Variants in STRN4 observed in about 807,000 individuals in gnomAD.
STRN4 encodes the protein striatin-4.
Under a neutral mutation model 77.9 loss-of-function variants are expected in STRN4, and 27 were observed. The observed-to-expected ratio is 0.35, with a 90% CI of 0.26 to 0.48. The LOEUF (loss-of-function observed/expected upper bound fraction) is 0.48, where lower values mean the gene tolerates loss of function less well. Among genes scored for constraint, STRN4 ranks in the 20% least tolerant of loss-of-function variants. The pLI, the probability that STRN4 is intolerant of heterozygous loss-of-function variation, is 0.99. For synonymous variants in STRN4, 466 were observed against 443.1 expected (o/e 1.05, Z -0.65); for missense variants, 798 against 1,049.7 (o/e 0.76, Z 3.31).
intron 4 of STRN4, among the ~76,000 whole-genome samples, chr19:46,735,879 G>A (rs375976690): frequency 1.3e-5 from 2 of 151,694 alleles, no homozygotes; most frequent in African/African-American, 2.4e-5. Context: ...CAGGAGAATC[G>A]CTTGAACCCG....
At chr19:46,740,284 G>C (rs1362294473) in intron 1 of STRN4, 6 of 151,268 alleles carry the variant, frequency 4.0e-5, no homozygotes, top group Non-Finnish European at 2.9e-5. Flanking sequence ...GCCAGACTTC[G>C]TCTCAAAAAA....
intron 12 of STRN4, among the ~76,000 whole-genome samples, chr19:46,724,234 T>TGA (rs1169369762): frequency 8.8e-6 from 1 of 113,144 alleles, no homozygotes. Flanking sequence ...GGTGACAGAG[T>TGA]GAGACTCTTT....
At chr19:46,745,720 C>T (rs1230359982) in intron 1 of STRN4, 1 of 154,758 alleles carries the variant, frequency 6.5e-6, no homozygotes, top group East Asian at 1.9e-4. Context: ...CAGGAGACCA[C>T]TCAGGTCTCC....
At chr19:46,745,401 A>G (rs1324794307) in intron 1 of STRN4, among the ~76,000 whole-genome samples, 2 of 151,890 alleles carry the variant, frequency 1.3e-5, no homozygotes, top group Non-Finnish European at 2.9e-5. Context: ...GGGATCCCCA[A>G]AGTTTCTCCT....
At chr19:46,726,875 G>T (rs2054129390) in intron 9 of STRN4, among the ~76,000 whole-genome samples, 1 of 152,116 alleles carries the variant, frequency 6.6e-6, no homozygotes, top group African/African-American at 2.4e-5. Flanking sequence ...AAGATGAAAT[G>T]ACATCTTGGG....
chr19:46,738,718 G>A lies in STRN4; in HGVS notation c.386+67C>T. ...CCCTTAGCTGGAAGGAGGCGTGGCT[G>A]GTGGCCTCCTGACACTGTGCTTGAG... is the stretch of plus-strand genomic sequence containing the variant. On this transcript the variant is annotated intron_variant, in intron 2 of 17. Transcript: ENST00000263280. This position sits in a 1 kb window ranked among gnomAD's most constrained non-coding sequence, Gnocchi z 4.5. 1 of 1,464,220 alleles carries A rather than the reference G, an allele frequency of 6.8e-7. No individual in the cohort carries two copies. Among genetic ancestry groups the A allele is most frequent in the East Asian group, 2.3e-5 (1 of 44,130 alleles). The allele number at this position is 1,464,220 out of a possible 1,614,324, so 90.7% of individuals were successfully genotyped here.
In STRN4 at chr19:46,733,456, A is replaced by AC. The variant is rs1254321717; in HGVS notation, c.540-221dup. On this transcript the variant is annotated intron_variant, in intron 4 of 17. Transcript: ENST00000263280. The surrounding 1 kb of genome is among the most constrained non-coding windows in gnomAD (Gnocchi z 4.3). ...TGCTATGTGTGAGGGTGCTCCCTGCACTGCTGTATGGGGAAGCCGAAGCAC... is the reference window on the plus strand; with the variant it reads ...TGCTATGTGTGAGGGTGCTCCCTGCACCTGCTGTATGGGGAAGCCGAAGCAC... The AC allele has an allele frequency of 1.8e-6, 1 of 559,726 alleles. No individual in the cohort carries two copies. Among genetic ancestry groups the AC allele is most frequent in the Admixed American group, 3.2e-5 (1 of 31,414 alleles). The allele number at this position is 559,726 out of a possible 1,614,324, so 34.7% of individuals were successfully genotyped here.
At position 46,733,336 on chromosome 19, in the gene STRN4, A is replaced by C; in HGVS notation, c.540-100T>G. 8.6e-7 allele frequency: 1 copy of C among 1,159,334 alleles called. No individual in the cohort carries two copies. Among genetic ancestry groups the C allele is most frequent in the Non-Finnish European group, 1.2e-6 (1 of 819,758 alleles). 71.8% of individuals were successfully genotyped at this position (1,159,334 alleles called of 1,614,324 possible). A position where few individuals can be genotyped will look rare whatever the true frequency, so the allele number is the denominator to read the frequency against. The stretch of plus-strand genomic sequence containing the variant: ...GAGACAACCTCTTAAGGGGCCACTT[A>C]AGAGCATACACCAAAATCTGACATA... On this transcript the variant is annotated intron_variant, in intron 4 of 17. Coordinates refer to ENST00000263280, the MANE Select transcript of STRN4 (RefSeq NM_013403.3). This position sits in a 1 kb window ranked among gnomAD's most constrained non-coding sequence, Gnocchi z 4.3.
In STRN4 at chr19:46,723,325, G is replaced by A. The variant is rs2054027433; in HGVS notation, c.1595-41C>T. 3 of 1,512,566 alleles carry A rather than the reference G, an allele frequency of 2.0e-6. No individual in the cohort carries two copies. The highest frequency in any genetic ancestry group is 2.7e-6 in the Non-Finnish European group (3 of 1,130,294). The allele number at this position is 1,512,566 out of a possible 1,614,324, so 93.7% of individuals were successfully genotyped here. On this transcript the variant is annotated intron_variant, in intron 12 of 17. Coordinates refer to ENST00000263280, the MANE Select transcript of STRN4 (RefSeq NM_013403.3). The surrounding 1 kb of genome is among the most constrained non-coding windows in gnomAD (Gnocchi z 5.5). ...GGAGGAAATGGGCTGTGTCAGGGCTGCCAGCTCCTCCCTGGACAGCCCAGA... is the reference window on the plus strand; with the variant it reads ...GGAGGAAATGGGCTGTGTCAGGGCTACCAGCTCCTCCCTGGACAGCCCAGA...
chr19:46,721,579 T>C (rs991974381), intron 16 of STRN4: 1 of 223,210 alleles, frequency 4.5e-6, no homozygotes, highest in African/African-American at 2.3e-5. Flanking sequence ...CTCCATCCCT[T>C]CTAAGCACAG....
intron 1 of STRN4, among the ~76,000 whole-genome samples, chr19:46,740,575 C>T (rs974289342): frequency 6.6e-6 from 1 of 151,964 alleles, no homozygotes; most frequent in Non-Finnish European, 1.5e-5. Context: ...TGACTTTCCT[C>T]CTCACTCTCC....
chr19:46,719,769 C>CCA lies in STRN4; in HGVS notation c.*634_*635dup, dbSNP rs1385552234. 6.6e-6 allele frequency: 1 copy of CCA among 152,330 alleles called. No homozygotes were observed. Among genetic ancestry groups the CCA allele is most frequent in the Non-Finnish European group, 1.5e-5 (1 of 68,034 alleles). 9.4% of individuals were successfully genotyped at this position (152,330 alleles called of 1,614,324 possible). ...CAGGGAGTTCAGGGGGACCCGAGGC[C>CCA]CACTCCACCCTCCATGCCCCAGGGA... On this transcript the variant is annotated 3_prime_UTR_variant, in exon 18 of 18. Coordinates refer to ENST00000263280, the MANE Select transcript of STRN4 (RefSeq NM_013403.3).
chr19:46,746,398 G>A lies in STRN4; in HGVS notation c.33C>T (p.Ala11=), dbSNP rs889440482. MMEERAAAAV[A]AAASSCRPLG... ...GCGGACGGCAGGAGGAGGCGGCGGC[G>A]GCGACCGCGGCGGCCGCTCGCTCCT... is the stretch of plus-strand genomic sequence containing the variant. The change falls in exon 1 of 18, where the codon GCC becomes GCT. Residue 11 remains alanine, a synonymous_variant. Coordinates refer to ENST00000263280, the MANE Select transcript of STRN4 (RefSeq NM_013403.3). 2 of 1,062,076 alleles carry A rather than the reference G, an allele frequency of 1.9e-6. No individual in the cohort carries two copies. Among genetic ancestry groups the A allele is most frequent in the African/African-American group, 1.7e-5 (1 of 58,458 alleles). The allele number at this position is 1,062,076 out of a possible 1,614,324, so 65.8% of individuals were successfully genotyped here.
chr19:46,727,339 C>T, intron 9 of STRN4, 113 bp downstream of exon 9: 1 of 876,792 alleles, frequency 1.1e-6, no homozygotes. Context: ...CATCTGCACC[C>T]CTCTGTGAAA....
intron 4 of STRN4, among the ~76,000 whole-genome samples, chr19:46,735,748 T>C (rs1403516025): frequency 3.7e-4 from 57 of 152,108 alleles, no homozygotes; most frequent in Admixed American, 3.6e-3. Flanking sequence ...GCGGATCACC[T>C]GAGGTCAGGA....
rs199650698 is a variant in STRN4, at chr19:46,738,824, C to T, written c.347G>A (p.Arg116Gln). 4.3e-5 allele frequency: 69 copies of T among 1,614,080 alleles called. No individual in the cohort carries two copies. The highest frequency in any genetic ancestry group is 5.3e-5 in the Non-Finnish European group (63 of 1,180,044). ...GQENLKTDLV[R>Q]RIKMLEYALK... ...CGCATACTCTAGCATCTTGATCCGC[C>T]GCACCAGGTCCGTCTTTAGATTCTC... Residue 116 changes from arginine (R) to glutamine (Q), a missense_variant, in exon 2 of 18, where the codon CGG becomes CAG. This residue lies in a region of STRN4 where 511 missense variants were observed against 575.9 expected (regional missense o/e 0.89). Coordinates refer to ENST00000263280, the MANE Select transcript of STRN4 (RefSeq NM_013403.3). This position sits in a 1 kb window ranked among gnomAD's most constrained non-coding sequence, Gnocchi z 4.5.
chr19:46,734,487 A>G (rs1264225373), intron 4 of STRN4, among the ~76,000 whole-genome samples: 1 of 152,236 alleles, frequency 6.6e-6, no homozygotes, highest in East Asian at 1.9e-4. Flanking sequence ...TGTCTATAAT[A>G]CAAAAAAATT....
At position 46,727,583 on chromosome 19, in the gene STRN4, G is replaced by A. The variant is rs200592582; in HGVS notation, c.1154-37C>T. On this transcript the variant is annotated intron_variant, in intron 8 of 17. Coordinates refer to ENST00000263280, the MANE Select transcript of STRN4 (RefSeq NM_013403.3). ...CCAAAGGAACCTGGTAGGGGGAGGGGAGGGAGGGGCAGAGAGGGCCAGGGA... is the reference window on the plus strand; with the variant it reads ...CCAAAGGAACCTGGTAGGGGGAGGGAAGGGAGGGGCAGAGAGGGCCAGGGA... 8.8e-5 allele frequency: 140 copies of A among 1,586,134 alleles called. No homozygotes were observed. The Middle Eastern group carries it at 2.0e-3, about 23-fold the overall frequency.
intron 4 of STRN4, 96 bp downstream of exon 4, chr19:46,736,727 C>T: frequency 7.9e-7 from 1 of 1,260,820 alleles, no homozygotes. Context: ...GTTCAGCATC[C>T]CCAGTGGGGA....
Sources: allele counts gnomAD v4.1 joint callset (sites outside exome capture counted in the v4.1 genomes callset), GRCh38; gene constraint gnomAD v4.1.1; regional missense constraint gnomAD v4.1.1; non-coding constraint Gnocchi (gnomAD v3.1); transcripts MANE v1.5; gene names NCBI Gene and HGNC (gene_info 2026-07-23, HGNC 2026-07-21).